Variants in RTKN observed in about 807,000 individuals in gnomAD.
RTKN encodes the protein rhotekin.
Under a neutral mutation model 63.5 loss-of-function variants are expected in RTKN, and 49 were observed. The ratio of observed to expected loss-of-function variants is 0.77; its 90% CI spans 0.61 to 0.98. The LOEUF (loss-of-function observed/expected upper bound fraction) is 0.98. Among genes scored for constraint, RTKN ranks in the 50% least tolerant of loss-of-function variants. The pLI is 0.00. For missense variants in RTKN, 685 were observed against 740.8 expected (o/e 0.92, Z 0.87); for synonymous variants, 295 against 290.4 (o/e 1.02, Z -0.16).
chr2:74,426,483 T>A lies in RTKN; in HGVS notation c.1452A>T (p.Ala484=). Residue 484 remains alanine (A), a synonymous_variant, in exon 12 of 12, where the codon GCA becomes GCT. Transcript: ENST00000272430. ...GCAGGGCAGGCTGGTCTGTAAACAT[T>A]GCCAGCCAGGGTGGGGGTGTCTCCA... ...ARLETPPPWL[A]MFTDQPALPN... 6.2e-7 allele frequency: 1 copy of A among 1,601,826 alleles called. No individual in the cohort carries two copies. Among genetic ancestry groups the A allele is most frequent in the Non-Finnish European group, 8.5e-7 (1 of 1,172,342 alleles).
rs766475881 is a variant in RTKN, at chr2:74,436,936, G to A, written c.112-4270C>T. On this transcript the variant is annotated intron_variant, in intron 1 of 11. Coordinates refer to ENST00000272430, the MANE Select transcript of RTKN (RefSeq NM_001015055.2). This position sits in a 1 kb window ranked among gnomAD's most constrained non-coding sequence, Gnocchi z 4.3. ...GGCAGCATTTCCCCTGGGAAAGAGC[G>A]CAGAGCTGGGTGTCAGCTGGACCCG... is the stretch of plus-strand genomic sequence containing the variant. Among the ~76,000 whole-genome samples the A allele has an allele frequency of 5.3e-5, 8 of 152,172 alleles. No homozygotes were observed. The highest frequency in any genetic ancestry group is 1.9e-4 in the East Asian group (1 of 5,188).
chr2:74,426,963 G>T, intron 11 of RTKN: 8 of 985,388 alleles, frequency 8.1e-6, no homozygotes, highest in Non-Finnish European at 9.6e-6. Flanking sequence ...TGGCTCACTG[G>T]GGTTTTGTTT....
chr2:74,431,456 TTAG>T lies in RTKN; in HGVS notation c.312-782_312-780del, dbSNP rs200917180. 3.5e-4 allele frequency among the ~76,000 whole-genome samples: 53 copies of T among 152,332 alleles called. 1 individual carries two copies. In the East Asian group the frequency reaches 9.8e-3, roughly 28 times the overall value. ...TAATGCCACTAAAGTAATTACTGAC[TTAG>T]TAGAGCCTTAAGCTAAATGATGTGG... On this transcript the variant is annotated intron_variant, in intron 2 of 11. Transcript: ENST00000272430.
At chr2:74,430,742 A>G (rs973129695) in intron 2 of RTKN, 65 bp from the exon 3 acceptor site, 2 of 1,495,544 alleles carry the variant, frequency 1.3e-6, no homozygotes, top group South Asian at 1.2e-5. Flanking sequence ...TCTGGTCCCA[A>G]CGACTCTAGG....
chr2:74,431,946 G>A (rs1222908914), intron 2 of RTKN: 1 of 210,290 alleles, frequency 4.8e-6, no homozygotes, highest in African/African-American at 2.4e-5. Context: ...TAATGTCAGT[G>A]TTGCTTACAT....
At chr2:74,426,718 G>C in intron 11 of RTKN, 144 bp from the exon 12 acceptor site, 1 of 1,386,562 alleles carries the variant, frequency 7.2e-7, no homozygotes, top group African/African-American at 1.5e-5. Context: ...TGCAGGAGCA[G>C]CCCCTCACCT....
intron 11 of RTKN, 146 bp from the exon 12 acceptor site, chr2:74,426,720 C>T (rs995720531): frequency 2.7e-5 from 38 of 1,383,490 alleles, no homozygotes; most frequent in Non-Finnish European, 3.5e-5. Context: ...CAGGAGCAGC[C>T]CCTCACCTGG....
chr2:74,440,041 T>TGTCCACCA, intron 1 of RTKN: 2 of 1,005,610 alleles, frequency 2.0e-6, no homozygotes, highest in East Asian at 7.4e-5. Flanking sequence ...CCCACATCCC[T>TGTCCACCA]GGCCTGGTGG....
intron 8 of RTKN, 117 bp from the exon 9 acceptor site, chr2:74,428,513 T>C: frequency 1.3e-6 from 2 of 1,572,298 alleles, no homozygotes; most frequent in South Asian, 2.3e-5. Context: ...TCCCCTCGTC[T>C]GGCCATACCC....
At chr2:74,426,816 G>A (rs1469192434) in intron 11 of RTKN, 16 of 1,357,314 alleles carry the variant, frequency 1.2e-5, no homozygotes, top group Non-Finnish European at 1.4e-5. Context: ...GTGGGGAGCA[G>A]AGGTGGGTGA....
Position 74,428,857 on chromosome 2 carries a change from C to A in RTKN, c.841G>T (p.Ala281Ser). The change falls in exon 7 of 12, where the codon GCC becomes TCC. Residue 281 changes from alanine (A) to serine (S), a missense_variant. Physicochemically the swap from Ala to Ser is moderately conservative, Grantham distance 99. Coordinates refer to ENST00000272430, the MANE Select transcript of RTKN (RefSeq NM_001015055.2). ...DGFRTHDLTL[A>S]SHEENPAWLP... ...GCACACACATACTTACCATGACTGG[C>A]AAGGGTGAGGTCATGTGTGCGGAAT... 1 of 1,613,740 alleles carries A rather than the reference C, an allele frequency of 6.2e-7. No individual in the cohort carries two copies. Among genetic ancestry groups the A allele is most frequent in the Non-Finnish European group, 8.5e-7 (1 of 1,179,676 alleles).
In RTKN at chr2:74,434,304, C is replaced by T. The variant is rs111522074; in HGVS notation, c.112-1638G>A. 2.0e-3 allele frequency among the ~76,000 whole-genome samples: 295 copies of T among 148,666 alleles called. 3 individuals are homozygous for T. The highest frequency in any genetic ancestry group is 6.7e-3 in the African/African-American group (272 of 40,328). ...TCTTTTTTTTTTTTTTTTTTGAGAC[C>T]GAGTCTTACTCTGTTGCCCAGGCTG... is the stretch of plus-strand genomic sequence containing the variant. On this transcript the variant is annotated intron_variant, in intron 1 of 11. Coordinates refer to ENST00000272430, the MANE Select transcript of RTKN (RefSeq NM_001015055.2).
Position 74,426,432 on chromosome 2 carries a change from C to T in RTKN, c.1503G>A (p.Val501=). ...ALPNPCSPAS[V]APAPDWTHPL... ...GGTGGGTCCAGTCTGGGGCTGGGGC[C>T]ACTGAGGCAGGCGAGCAGGGGTTAG... The change falls in exon 12 of 12, where the codon GTG becomes GTA. Residue 501 remains valine, a synonymous_variant. Transcript: ENST00000272430. 1 of 1,612,268 alleles carries T rather than the reference C, an allele frequency of 6.2e-7. No homozygotes were observed. Among genetic ancestry groups the T allele is most frequent in the Non-Finnish European group, 8.5e-7 (1 of 1,179,266 alleles).
At chr2:74,429,765 T>G (rs1287317826) in intron 6 of RTKN, 63 bp downstream of exon 6, 4 of 1,503,440 alleles carry the variant, frequency 2.7e-6, no homozygotes, top group African/African-American at 1.4e-5. Context: ...TCAACACAGT[T>G]CAAAGGTCAC....
chr2:74,441,609 C>T, intron 1 of RTKN, 97 bp downstream of exon 1: 1 of 836,608 alleles, frequency 1.2e-6, no homozygotes, highest in East Asian at 2.6e-5. Flanking sequence ...TGCGTCTCCG[C>T]CCCTCGGCGT....
Position 74,430,311 on chromosome 2 carries a change from T to C in RTKN, c.486A>G (p.Thr162=). The C allele has an allele frequency of 1.2e-6, 2 of 1,613,944 alleles. No homozygotes were observed. Among genetic ancestry groups the C allele is most frequent in the East Asian group, 2.2e-5 (1 of 44,886 alleles). The part of the protein sequence containing the change: ...LLQLGEHIQD[T]EMILVDRTLT... Reference sequence around the variant, plus strand: ...GGGTCCTGTCCACTAGGATCATCTCTGTGTCCTGGATGTGTTCCCCCAGCT... The same window carrying C: ...GGGTCCTGTCCACTAGGATCATCTCCGTGTCCTGGATGTGTTCCCCCAGCT... The change falls in exon 5 of 12, where the codon ACA becomes ACG. Residue 162 remains threonine, a synonymous_variant. Transcript: ENST00000272430.
chr2:74,433,487 C>T (rs1002268015), intron 1 of RTKN, among the ~76,000 whole-genome samples: 10 of 149,034 alleles, frequency 6.7e-5, no homozygotes, highest in Middle Eastern at 3.4e-3. Flanking sequence ...ATATTCAGTG[C>T]GGCATTTTTT....
chr2:74,426,486 C>T lies in RTKN; in HGVS notation c.1449G>A (p.Leu483=). The T allele has an allele frequency of 3.1e-6, 5 of 1,600,384 alleles. No homozygotes were observed. The highest frequency in any genetic ancestry group is 4.3e-6 in the Non-Finnish European group (5 of 1,171,434). Residue 483 remains leucine (L), a synonymous_variant, in exon 12 of 12, where the codon CTG becomes CTA. Transcript: ENST00000272430. ...GGGCAGGCTGGTCTGTAAACATTGC[C>T]AGCCAGGGTGGGGGTGTCTCCAGCC... ...GARLETPPPW[L]AMFTDQPALP... is the part of the protein sequence containing the mutation.
intron 11 of RTKN, 127 bp from the exon 12 acceptor site, chr2:74,426,701 G>C: frequency 1.4e-6 from 2 of 1,407,160 alleles, no homozygotes; most frequent in Admixed American, 3.2e-5. Flanking sequence ...TGGAGATTGC[G>C]TTATCCTGCA....
Sources: gnomAD v4.1 joint callset for allele counts (sites outside exome capture counted in the v4.1 genomes callset) on GRCh38, gnomAD v4.1.1 for gene constraint, Gnocchi (gnomAD v3.1) non-coding constraint, MANE v1.5 for transcripts, NCBI Gene and HGNC (gene_info 2026-07-23, HGNC 2026-07-21) for gene names.